EYA1: variants seen among roughly 807,000 people sequenced by gnomAD.
EYA1 encodes EYA transcriptional coactivator and phosphatase 1.
EYA1 carries 16 observed loss-of-function variants against 82.0 expected under a neutral mutation model. That is an observed-to-expected ratio of 0.20 (90% CI 0.13 to 0.30). EYA1 has a LOEUF of 0.30. Among genes scored for constraint, EYA1 ranks in the 10% least tolerant of loss-of-function variants. EYA1 has a pLI of 1.00. For synonymous variants in EYA1, 261 were observed against 264.4 expected, an observed-to-expected ratio of 0.99 and a Z score of 0.12; for missense variants, 633 against 730.7, an observed-to-expected ratio of 0.87 and a Z score of 1.54.
chr8:71,239,617 T>C (rs1809350693), intron 12 of EYA1, among the ~76,000 whole-genome samples: 2 of 152,206 alleles, frequency 1.3e-5, no homozygotes, highest in South Asian at 2.1e-4. Flanking sequence ...TACATATACA[T>C]AGGGACCCTT....
At chr8:71,214,191 C>A (rs941260859) in intron 16 of EYA1, among the ~76,000 whole-genome samples, 1 of 152,074 alleles carries the variant, frequency 6.6e-6, no homozygotes, top group East Asian at 1.9e-4. Context: ...AATGCTCATA[C>A]CCCTTCCCCT....
intron 2 of EYA1, among the ~76,000 whole-genome samples, chr8:71,467,565 T>C (rs1808873219): frequency 6.6e-6 from 1 of 152,176 alleles, no homozygotes; most frequent in Non-Finnish European, 1.5e-5. Flanking sequence ...GTCTCTAGGG[T>C]ACTATTTAAA....
chr8:71,315,949 A>G (rs185427498), intron 7 of EYA1, among the ~76,000 whole-genome samples: 201 of 152,312 alleles, frequency 1.3e-3, no homozygotes, highest in African/African-American at 4.4e-3. Context: ...CTAAAATTGT[A>G]GTTTGCCATA....
chr8:71,317,032 G>A (rs968942915), intron 7 of EYA1, among the ~76,000 whole-genome samples: 1 of 152,130 alleles, frequency 6.6e-6, no homozygotes, highest in African/African-American at 2.4e-5. Flanking sequence ...AAGATTCACT[G>A]GGTGTCTGTA....
At chr8:71,247,621 C>T (rs1813268371) in intron 11 of EYA1, among the ~76,000 whole-genome samples, 1 of 152,140 alleles carries the variant, frequency 6.6e-6, no homozygotes, top group African/African-American at 2.4e-5. Context: ...AGGAGAATTA[C>T]AGTTTACAAA....
intron 2 of EYA1, among the ~76,000 whole-genome samples, chr8:71,456,100 T>G (rs541220267): frequency 6.6e-6 from 1 of 150,542 alleles, no homozygotes; most frequent in African/African-American, 2.5e-5. Context: ...ACAATCATTC[T>G]TATACACCAA....
At chr8:71,489,417 A>G (rs563082551) in intron 2 of EYA1, among the ~76,000 whole-genome samples, 1 of 152,310 alleles carries the variant, frequency 6.6e-6, no homozygotes, top group South Asian at 2.1e-4. Context: ...GTTTTAAAAC[A>G]TAAAGAATCA....
chr8:71,454,742 C>A (rs1480617915), intron 2 of EYA1, among the ~76,000 whole-genome samples: 2 of 152,158 alleles, frequency 1.3e-5, no homozygotes, highest in East Asian at 3.9e-4. Context: ...ACACAACATA[C>A]CAGAATCTCT....
Position 71,267,783 on chromosome 8 carries a change from C to T in EYA1, c.1050+1957G>A, listed in dbSNP as rs1316335175. ...CAGGATGGTCTCGATCTCCTGACCT[C>T]GTGATCCACCCGCCTTGGCCTCCCA... On this transcript the variant is annotated intron_variant, in intron 11 of 17. Coordinates refer to ENST00000340726, the MANE Select transcript of EYA1 (RefSeq NM_000503.6). Among the ~76,000 whole-genome samples the T allele has an allele frequency of 3.9e-5, 6 of 152,222 alleles. No individual in the cohort carries two copies. The East Asian group carries it at 5.8e-4, about 15-fold the overall frequency.
At chr8:71,236,461 T>A (rs1483587767) in intron 12 of EYA1, among the ~76,000 whole-genome samples, 1 of 152,224 alleles carries the variant, frequency 6.6e-6, no homozygotes, top group African/African-American at 2.4e-5. Context: ...CTATATACAA[T>A]AAATTGTCTT....
At chr8:71,393,821 G>T (rs945071634) in intron 2 of EYA1, among the ~76,000 whole-genome samples, 3 of 152,164 alleles carry the variant, frequency 2.0e-5, no homozygotes, top group Non-Finnish European at 4.4e-5. Context: ...TAATGGGATG[G>T]CTGGGTCAAA....
intron 2 of EYA1, among the ~76,000 whole-genome samples, chr8:71,494,708 T>C (rs1285841587): frequency 2.0e-5 from 3 of 152,164 alleles, no homozygotes; most frequent in African/African-American, 7.2e-5. Flanking sequence ...AAGGTTTACA[T>C]GCCAAGGGTT....
At chr8:71,330,501 C>T (rs1290843935) in intron 4 of EYA1, among the ~76,000 whole-genome samples, 2 of 152,170 alleles carry the variant, frequency 1.3e-5, no homozygotes, top group African/African-American at 4.8e-5. Context: ...CCTTTCCTTC[C>T]CTTCTTTTTA....
chr8:71,429,959 A>G (rs1353963203), intron 2 of EYA1, among the ~76,000 whole-genome samples: 1 of 152,220 alleles, frequency 6.6e-6, no homozygotes, highest in Non-Finnish European at 1.5e-5. Context: ...TTATGAAAGT[A>G]GAATCTTAGG....
chr8:71,456,774 G>T (rs1049398891), intron 2 of EYA1, among the ~76,000 whole-genome samples: 5 of 152,176 alleles, frequency 3.3e-5, no homozygotes, highest in Non-Finnish European at 7.3e-5. Context: ...ATGGATTAAA[G>T]ACTTAAAGGT....
chr8:71,395,358 C>T (rs576023368), intron 2 of EYA1, among the ~76,000 whole-genome samples: 4 of 152,150 alleles, frequency 2.6e-5, no homozygotes, highest in Non-Finnish European at 5.9e-5. Flanking sequence ...GAGGGCATCC[C>T]TGTCTTGTGC....
intron 2 of EYA1, among the ~76,000 whole-genome samples, chr8:71,464,089 A>T (rs1421423451): frequency 2.6e-5 from 4 of 152,094 alleles, no homozygotes; most frequent in Non-Finnish European, 5.9e-5. Context: ...CTACTACCAC[A>T]TCTAAATAAT....
chr8:71,475,039 G>A (rs1439129754), intron 2 of EYA1, among the ~76,000 whole-genome samples: 1 of 152,210 alleles, frequency 6.6e-6, no homozygotes, highest in Admixed American at 6.5e-5. Context: ...GGCTGAGGCA[G>A]GAGAATCGCT....
At chr8:71,338,339 C>G (rs1824735913) in intron 3 of EYA1, among the ~76,000 whole-genome samples, 1 of 152,160 alleles carries the variant, frequency 6.6e-6, no homozygotes, top group South Asian at 2.1e-4. Flanking sequence ...AAGAAACAGG[C>G]TAATAGAAGG....
Sources: allele counts gnomAD v4.1 joint callset (sites outside exome capture counted in the v4.1 genomes callset), GRCh38; gene constraint gnomAD v4.1.1; transcripts MANE v1.5; gene names NCBI Gene and HGNC (gene_info 2026-07-23, HGNC 2026-07-21).